The following HKDC1 variants were observed in gnomAD, a reference collection of about 807,000 sequenced individuals.
The protein encoded by HKDC1 is hexokinase domain containing 1, also known as hexokinase HKDC1.
In HKDC1, 66 loss-of-function variants were observed where a neutral mutation model predicts 96.6. That is an observed-to-expected ratio of 0.68 (90% CI 0.56 to 0.84). The LOEUF (loss-of-function observed/expected upper bound fraction) is 0.84, where lower values mean the gene tolerates loss of function less well. Ranked by LOEUF, HKDC1 falls within the 40% of genes least tolerant of loss-of-function variation. HKDC1 has a pLI of 0.00. For synonymous variants in HKDC1, 466 were observed against 473.1 expected (o/e 0.98, Z 0.20); for missense variants, 1,211 against 1,208.1 (o/e 1.00, Z -0.04).
rs536558518 is a variant in HKDC1, at chr10:69,230,475, G to T, written c.227-2289G>T. Among the ~76,000 whole-genome samples, 20 of 152,294 alleles carry T rather than the reference G, an allele frequency of 1.3e-4. No individual in the cohort carries two copies. In the South Asian group the frequency reaches 3.5e-3, roughly 27 times the overall value. On this transcript the variant is annotated intron_variant, in intron 2 of 17. Coordinates refer to ENST00000354624, the MANE Select transcript of HKDC1 (RefSeq NM_025130.4). ...TGCACCTTTGGGAGACTCTGCACTG[G>T]GTAAAAGGAGGGAGTGAAGGCACCA... is the stretch of plus-strand genomic sequence containing the variant.
At chr10:69,223,228 G>A (rs1372757787) in intron 1 of HKDC1, 2 of 152,096 alleles carry the variant, frequency 1.3e-5, no homozygotes, top group Non-Finnish European at 2.9e-5. Context: ...TCATGGCTCT[G>A]TATGTCAACA....
intron 12 of HKDC1, among the ~76,000 whole-genome samples, chr10:69,254,349 A>G (rs1843689247): frequency 1.3e-5 from 2 of 152,228 alleles, no homozygotes; most frequent in Admixed American, 1.3e-4. Context: ...TTATTGTGGT[A>G]AAATACACAT....
At chr10:69,265,190 G>A (rs1003644417) in intron 16 of HKDC1, among the ~76,000 whole-genome samples, 2 of 152,144 alleles carry the variant, frequency 1.3e-5, no homozygotes, top group Non-Finnish European at 2.9e-5. Context: ...GGGAAAGTGC[G>A]AGAGGTGGTG....
Position 69,258,942 on chromosome 10 carries a change from G to A in HKDC1, c.2199G>A (p.Leu733=), listed in dbSNP as rs375018021. Residue 733 remains leucine, a synonymous_variant, in exon 15 of 18, where the codon TTG becomes TTA. Transcript: ENST00000354624. The part of the protein sequence containing the change: ...RYDTEVDEGS[L]NPGKQRYEKM... Reference sequence around the variant, plus strand: ...ACACGGAGGTGGATGAGGGGTCCTTGAATCCTGGCAAGCAGAGGTGAAGAG... The same window carrying A: ...ACACGGAGGTGGATGAGGGGTCCTTAAATCCTGGCAAGCAGAGGTGAAGAG... The A allele has an allele frequency of 1.2e-3, 1,831 of 1,584,772 alleles. 28 individuals carry two copies. In the South Asian group the frequency reaches 0.02, roughly 18 times the overall value.
chr10:69,227,128 A>C (rs1358585322), intron 1 of HKDC1, 79 bp from the exon 2 acceptor site: 4 of 1,493,550 alleles, frequency 2.7e-6, no homozygotes, highest in Non-Finnish European at 3.7e-6. Context: ...CAGCTTGCTG[A>C]GGGATGTCGG....
chr10:69,225,137 A>T (rs188297776), intron 1 of HKDC1, among the ~76,000 whole-genome samples: 76 of 152,198 alleles, frequency 5.0e-4, no homozygotes, highest in Non-Finnish European at 2.9e-5. Flanking sequence ...ATTAAACCCC[A>T]GTCGCAAATG....
chr10:69,251,706 T>A (rs930750090), intron 12 of HKDC1, among the ~76,000 whole-genome samples: 2 of 152,194 alleles, frequency 1.3e-5, no homozygotes, highest in Non-Finnish European at 2.9e-5. Flanking sequence ...CTTCTCTTGT[T>A]TATTCCTAAG....
At chr10:69,239,981 A>G (rs781129034) in intron 5 of HKDC1, among the ~76,000 whole-genome samples, 2 of 152,142 alleles carry the variant, frequency 1.3e-5, no homozygotes, top group Non-Finnish European at 2.9e-5. Context: ...ACCCAAGCTG[A>G]CTTGGCAGAA....
At chr10:69,252,100 A>G (rs1843651673) in intron 12 of HKDC1, among the ~76,000 whole-genome samples, 1 of 152,218 alleles carries the variant, frequency 6.6e-6, no homozygotes, top group Non-Finnish European at 1.5e-5. Flanking sequence ...CTCAGAAGCA[A>G]TTGATCACAT....
In HKDC1 at chr10:69,232,803, A is replaced by C; in HGVS notation, c.266A>C (p.Lys89Thr). 1 of 1,614,152 alleles carries C rather than the reference A, an allele frequency of 6.2e-7. No individual in the cohort carries two copies. Among genetic ancestry groups the C allele is most frequent in the Middle Eastern group, 1.7e-4 (1 of 6,060 alleles). The change falls in exon 3 of 18, where the codon AAG becomes ACG. Residue 89 changes from lysine to threonine, a missense_variant. Physicochemically the swap from Lys to Thr is moderately conservative, Grantham distance 78 (BLOSUM62 -1). Transcript: ENST00000354624. ...CTTTCCCTGGATCTCGGAGGGTCCAAGTTCCGAGTGCTGAAGGTGCAAGTC... is the reference window on the plus strand; with the variant it reads ...CTTTCCCTGGATCTCGGAGGGTCCACGTTCCGAGTGCTGAAGGTGCAAGTC... ...EFLSLDLGGS[K>T]FRVLKVQVAE...
At chr10:69,243,427 C>T (rs1402853472) in intron 7 of HKDC1, 62 bp downstream of exon 7, 1 of 1,395,526 alleles carries the variant, frequency 7.2e-7, no homozygotes, top group Non-Finnish European at 9.6e-7. Flanking sequence ...CACTCAGGTC[C>T]CCTGGCTACC....
rs369716135 is a variant in HKDC1, at chr10:69,258,975, G to A, written c.2216+16G>A. On this transcript the variant is annotated intron_variant, in intron 15 of 17. Transcript: ENST00000354624. ...GCAAGCAGAGGTGAAGAGGGTGGATGTGTGCATTTATGTGGGTTGTGTAGT... is the reference window on the plus strand; with the variant it reads ...GCAAGCAGAGGTGAAGAGGGTGGATATGTGCATTTATGTGGGTTGTGTAGT... 1.1e-5 allele frequency: 17 copies of A among 1,531,756 alleles called. No individual in the cohort carries two copies. The African/African-American group carries it at 2.1e-4, about 19-fold the overall frequency. The allele number at this position is 1,531,756 out of a possible 1,614,324, so 94.9% of individuals were successfully genotyped here.
intron 1 of HKDC1, among the ~76,000 whole-genome samples, chr10:69,223,805 G>A (rs778562973): frequency 3.9e-4 from 59 of 149,968 alleles, no homozygotes; most frequent in South Asian, 8.4e-4. Flanking sequence ...GGCTGGTCTC[G>A]AACTCCTGAC....
chr10:69,223,144 C>T (rs954718243), intron 1 of HKDC1: 15 of 152,186 alleles, frequency 9.9e-5, no homozygotes, highest in African/African-American at 3.6e-4. Context: ...ATTGATAGCA[C>T]CAGGCCAGAC....
chr10:69,243,732 G>A (rs1398387930), intron 7 of HKDC1, among the ~76,000 whole-genome samples: 1 of 151,932 alleles, frequency 6.6e-6, no homozygotes, highest in Non-Finnish European at 1.5e-5. Flanking sequence ...CCTGAGCTCA[G>A]GCAATCCTCC....
At chr10:69,261,052 T>C (rs879317687) in intron 15 of HKDC1, 87 bp from the exon 16 acceptor site, 28 of 1,244,436 alleles carry the variant, frequency 2.3e-5, no homozygotes, top group Non-Finnish European at 3.3e-5. Context: ...TCTTGCTCCA[T>C]GCGTAGCTCC....
chr10:69,238,898 G>A (rs1344421982), intron 4 of HKDC1, 144 bp from the exon 5 acceptor site: 3 of 552,266 alleles, frequency 5.4e-6, no homozygotes, highest in Non-Finnish European at 1.0e-5. Flanking sequence ...AAAGGCTGCA[G>A]AAGCAATGTT....
chr10:69,258,189 T>C (rs1282013110), intron 14 of HKDC1, among the ~76,000 whole-genome samples: 1 of 152,202 alleles, frequency 6.6e-6, no homozygotes, highest in African/African-American at 2.4e-5. Flanking sequence ...GGCAGGTGGC[T>C]TATTCTGTCT....
intron 12 of HKDC1, among the ~76,000 whole-genome samples, chr10:69,255,924 A>C (rs1220058858): frequency 6.6e-6 from 1 of 151,966 alleles, no homozygotes; most frequent in Non-Finnish European, 1.5e-5. Context: ...GTCAAAAAAA[A>C]AAAAAACAAA....
Sources: gnomAD v4.1 joint callset for allele counts (sites outside exome capture counted in the v4.1 genomes callset) on GRCh38, gnomAD v4.1.1 for gene constraint, MANE v1.5 for transcripts, NCBI Gene and HGNC (gene_info 2026-07-23, HGNC 2026-07-21) for gene names.